RAP1GAP2: variants seen among roughly 807,000 people sequenced by gnomAD.
RAP1GAP2 encodes RAP1 GTPase activating protein 2.
Under a neutral mutation model 95.0 loss-of-function variants are expected in RAP1GAP2, and 27 were observed. That is an observed-to-expected ratio of 0.28 (90% CI 0.21 to 0.39). The LOEUF (loss-of-function observed/expected upper bound fraction) is 0.39, where lower values mean the gene tolerates loss of function less well. Ranked by LOEUF, RAP1GAP2 falls within the 10% of genes least tolerant of loss-of-function variation. RAP1GAP2 has a pLI of 1.00. For missense variants in RAP1GAP2, 771 were observed against 970.0 expected, an observed-to-expected ratio of 0.79 and a Z score of 2.72; for synonymous variants, 373 against 380.9, an observed-to-expected ratio of 0.98 and a Z score of 0.24.
Position 2,957,788 on chromosome 17 carries a change from A to G in RAP1GAP2, c.195A>G (p.Lys65=). The G allele has an allele frequency of 6.2e-7, 1 of 1,607,900 alleles. No individual in the cohort carries two copies. The highest frequency in any genetic ancestry group is 1.7e-4 in the Middle Eastern group (1 of 6,034). ...CGGAGTTCTTTGAGATGCTGGAGAA[A>G]ATGCAGGTGAGTACGTACCCCCACC... ...KSSEFFEMLE[K]MQGIKLEEQK... The change falls in exon 4 of 25, where the codon AAA becomes AAG. Residue 65 remains lysine, a synonymous_variant. Coordinates refer to ENST00000254695, the MANE Select transcript of RAP1GAP2 (RefSeq NM_015085.5).
chr17:2,772,542 G>A (rs1197504455), upstream of RAP1GAP2, among the ~76,000 whole-genome samples: 3 of 152,158 alleles, frequency 2.0e-5, no homozygotes, highest in East Asian at 5.8e-4. Flanking sequence ...CCATTCTCCT[G>A]CCTCTGCCTC....
At chr17:2,840,058 C>T (rs112209497) in intron 2 of RAP1GAP2, among the ~76,000 whole-genome samples, 2,481 of 152,012 alleles carry the variant, frequency 0.016, 75 homozygotes, top group East Asian at 0.11. Context: ...GAACCATTTT[C>T]GTCACATCCT....
In RAP1GAP2 at chr17:2,870,119, C is replaced by A. The variant is rs2072781824; in HGVS notation, c.81-35165C>A. ...GCACTCTGTGCTGCTGCTTGACAAT[C>A]TTTTTTTTTTTTTTTGGAGATGGAG... On this transcript the variant is annotated intron_variant, in intron 2 of 24. Transcript: ENST00000254695. The surrounding 1 kb of genome is among the most constrained non-coding windows in gnomAD (Gnocchi z 4.4). 7.1e-6 allele frequency among the ~76,000 whole-genome samples: 1 copy of A among 141,240 alleles called. No homozygotes were observed. The highest frequency in any genetic ancestry group is 7.2e-5 in the Admixed American group (1 of 13,874). The allele number at this position is 141,240 out of a possible 152,430, so 92.7% of individuals were successfully genotyped here. A position where few individuals can be genotyped will look rare whatever the true frequency, so the allele number is the denominator to read the frequency against.
intron 2 of RAP1GAP2, among the ~76,000 whole-genome samples, chr17:2,875,502 G>A (rs1309108447): frequency 6.6e-6 from 1 of 152,176 alleles, no homozygotes; most frequent in Admixed American, 6.6e-5. Context: ...GGCGTCCAGT[G>A]TATGGCTATG....
chr17:2,917,709 C>G (rs956022101), intron 3 of RAP1GAP2, among the ~76,000 whole-genome samples: 1 of 151,874 alleles, frequency 6.6e-6, no homozygotes, highest in Non-Finnish European at 1.5e-5. Context: ...CTGGCCCCCC[C>G]GTTTTTAAAA....
Position 2,951,710 on chromosome 17 carries a change from C to T in RAP1GAP2, c.166-6049C>T, listed in dbSNP as rs528092280. Among the ~76,000 whole-genome samples the T allele has an allele frequency of 2.0e-5, 3 of 149,366 alleles. No homozygotes were observed. In the South Asian group the frequency reaches 6.4e-4, roughly 32 times the overall value. ...TTCAGCCTGGGTGACAGAATGAGACCCTGTCTCAAAAACAAACGAAAATAA... is the reference window on the plus strand; with the variant it reads ...TTCAGCCTGGGTGACAGAATGAGACTCTGTCTCAAAAACAAACGAAAATAA... On this transcript the variant is annotated intron_variant, in intron 3 of 24. Transcript: ENST00000254695.
At chr17:2,880,975 A>G (rs1036423203) in intron 2 of RAP1GAP2, among the ~76,000 whole-genome samples, 9 of 151,554 alleles carry the variant, frequency 5.9e-5, no homozygotes, top group Non-Finnish European at 1.2e-4. Context: ...AAAAATACAA[A>G]AATTAGCCAT....
chr17:2,793,430 A>T (rs1386783417), upstream of RAP1GAP2, among the ~76,000 whole-genome samples: 2 of 152,176 alleles, frequency 1.3e-5, no homozygotes. Context: ...TTGGGATTAC[A>T]GGCGTGAACC....
At chr17:2,899,699 T>TG (rs1001433244) in intron 2 of RAP1GAP2, among the ~76,000 whole-genome samples, 6 of 151,632 alleles carry the variant, frequency 4.0e-5, no homozygotes, top group African/African-American at 1.5e-4. Flanking sequence ...TTTAGTGAGA[T>TG]GGGGTTTCGC....
intron 9 of RAP1GAP2, among the ~76,000 whole-genome samples, chr17:2,980,666 G>A (rs1276200585): frequency 6.6e-6 from 1 of 152,164 alleles, no homozygotes; most frequent in African/African-American, 2.4e-5. Context: ...GTAGAAAGAC[G>A]GGGCTGGATG....
intron 2 of RAP1GAP2, among the ~76,000 whole-genome samples, chr17:2,858,767 G>T (rs1433657656): frequency 1.3e-5 from 2 of 152,006 alleles, no homozygotes; most frequent in African/African-American, 4.8e-5. Flanking sequence ...AAAAAACATA[G>T]CTGAGCATGG....
rs1013866900 is a variant in RAP1GAP2, at chr17:3,004,060, C to T, written c.1201-1309C>T. On this transcript the variant is annotated intron_variant, in intron 14 of 24. Coordinates refer to ENST00000254695, the MANE Select transcript of RAP1GAP2 (RefSeq NM_015085.5). The surrounding 1 kb of genome is among the most constrained non-coding windows in gnomAD (Gnocchi z 4.1). ...CTGGGGCTGCCCTCTGGCCTCTGTC[C>T]CAGGTGCCCACGGTCTGCAGTCTCC... Among the ~76,000 whole-genome samples, 1 of 152,180 alleles carries T rather than the reference C, an allele frequency of 6.6e-6. No individual in the cohort carries two copies. Among genetic ancestry groups the T allele is most frequent in the African/African-American group, 2.4e-5 (1 of 41,444 alleles).
At chr17:2,774,690 C>T (rs908501290), upstream of RAP1GAP2, among the ~76,000 whole-genome samples, 2 of 151,804 alleles carry the variant, frequency 1.3e-5, no homozygotes, top group South Asian at 4.2e-4. Context: ...AGGCTGGTCT[C>T]GAATTCCTGA....
At chr17:2,925,307 C>T (rs752815543) in intron 3 of RAP1GAP2, among the ~76,000 whole-genome samples, 4 of 152,080 alleles carry the variant, frequency 2.6e-5, no homozygotes, top group African/African-American at 4.8e-5. Context: ...GAAGAAATAC[C>T]GGAGACTGGG....
At chr17:2,759,726 C>T (rs2071209481) in intron 1 of RAP1GAP2, among the ~76,000 whole-genome samples, 2 of 152,172 alleles carry the variant, frequency 1.3e-5, no homozygotes, top group Admixed American at 6.6e-5. Flanking sequence ...GCTGGGATTA[C>T]AGGCATGAGC....
rs772109435 is a variant in RAP1GAP2 at position 2,834,658 on chromosome 17, A to C, written c.80+34108A>C. On this transcript the variant is annotated intron_variant, in intron 2 of 24. Transcript: ENST00000254695. ...CAAAAAATACAAAAATTAGCTGGGC[A>C]TGGTGGCAGGTGCTTGTAGTCTCAG... Among the ~76,000 whole-genome samples the C allele has an allele frequency of 8.5e-5, 13 of 152,212 alleles. No individual in the cohort carries two copies. The East Asian group carries it at 1.4e-3, about 16-fold the overall frequency.
chr17:2,861,672 C>G (rs569209287), intron 2 of RAP1GAP2, among the ~76,000 whole-genome samples: 45 of 150,338 alleles, frequency 3.0e-4, no homozygotes, highest in Non-Finnish European at 4.9e-4. Flanking sequence ...CGGAGTCTCG[C>G]TCTGTCGCCC....
intron 2 of RAP1GAP2, among the ~76,000 whole-genome samples, chr17:2,831,374 G>A (rs1312857898): frequency 6.6e-6 from 1 of 151,144 alleles, no homozygotes; most frequent in Admixed American, 6.6e-5. Flanking sequence ...ACCATGCCCA[G>A]CCTCCTATTT....
At chr17:2,795,646 G>A (rs1336154937), upstream of RAP1GAP2, among the ~76,000 whole-genome samples, 1 of 152,162 alleles carries the variant, frequency 6.6e-6, no homozygotes, top group Non-Finnish European at 1.5e-5. Context: ...GTGTACATGC[G>A]AATGCCCCTT....
Sources: allele counts gnomAD v4.1 joint callset (sites outside exome capture counted in the v4.1 genomes callset), GRCh38; gene constraint gnomAD v4.1.1; non-coding constraint Gnocchi (gnomAD v3.1); transcripts MANE v1.5; gene names NCBI Gene and HGNC (gene_info 2026-07-23, HGNC 2026-07-21).